The following NKAIN3 variants were observed in gnomAD, a reference collection of about 807,000 sequenced individuals.
The protein encoded by NKAIN3 is sodium/potassium transporting ATPase interacting 3.
In NKAIN3, 25 loss-of-function variants were observed where a neutral mutation model predicts 30.2. That is an observed-to-expected ratio of 0.83 (90% CI 0.60 to 1.16). NKAIN3 has a LOEUF of 1.16. Among genes scored for constraint, NKAIN3 ranks in the 50% most tolerant of loss-of-function variants. The pLI, the probability that NKAIN3 is intolerant of heterozygous loss-of-function variation, is 0.00. For missense variants in NKAIN3, 225 were observed against 254.1 expected (o/e 0.89, Z 0.78); for synonymous variants, 91 against 89.6 (o/e 1.02, Z -0.09).
chr8:62,797,524 C>G (rs921890280), intron 4 of NKAIN3, among the ~76,000 whole-genome samples: 1 of 152,286 alleles, frequency 6.6e-6, no homozygotes, highest in East Asian at 1.9e-4. Flanking sequence ...TCCTGCCAGA[C>G]AGTGACCTCC....
intron 3 of NKAIN3, among the ~76,000 whole-genome samples, chr8:62,695,978 A>G (rs1299413657): frequency 6.6e-6 from 1 of 152,206 alleles, no homozygotes; most frequent in African/African-American, 2.4e-5. Flanking sequence ...CATATTTTAT[A>G]TGTATGCACA....
At chr8:62,808,487 A>G (rs918115771) in intron 4 of NKAIN3, among the ~76,000 whole-genome samples, 3 of 152,138 alleles carry the variant, frequency 2.0e-5, no homozygotes, top group African/African-American at 7.2e-5. Flanking sequence ...CTGATATTTC[A>G]ACGTAGGTTC....
chr8:62,750,996 A>T lies in NKAIN3; in HGVS notation c.471+3867A>T, dbSNP rs184973695. Among the ~76,000 whole-genome samples, 6 of 152,198 alleles carry T rather than the reference A, an allele frequency of 3.9e-5. No individual in the cohort carries two copies. In the East Asian group the frequency reaches 9.7e-4, roughly 25 times the overall value. ...CATGCCTCCTGCTCCCTGTAAGATG[A>T]TCACAAAGCGCAAATCTTATCAGTC... is the stretch of plus-strand genomic sequence containing the variant. On this transcript the variant is annotated intron_variant, in intron 4 of 6. Coordinates refer to ENST00000623646, the MANE Select transcript of NKAIN3 (RefSeq NM_001304533.3).
chr8:62,461,434 A>G (rs1239247265), intron 1 of NKAIN3, among the ~76,000 whole-genome samples: 9 of 152,188 alleles, frequency 5.9e-5, no homozygotes, highest in Admixed American at 5.9e-4. Flanking sequence ...TCAAAGGCAC[A>G]AAAAAACAGT....
chr8:62,607,330 T>A (rs2130171438), intron 3 of NKAIN3, among the ~76,000 whole-genome samples: 1 of 152,254 alleles, frequency 6.6e-6, no homozygotes, highest in East Asian at 1.9e-4. Flanking sequence ...CTGTGGAAGA[T>A]CCCTGAATGC....
intron 3 of NKAIN3, among the ~76,000 whole-genome samples, chr8:62,738,021 G>A (rs1213985621): frequency 6.6e-6 from 1 of 151,990 alleles, no homozygotes; most frequent in Non-Finnish European, 1.5e-5. Context: ...AATCCTTTAG[G>A]TATATACCCA....
At chr8:62,304,012 C>A (rs1027794363) in intron 1 of NKAIN3, among the ~76,000 whole-genome samples, 1 of 150,550 alleles carries the variant, frequency 6.6e-6, no homozygotes, top group Non-Finnish European at 1.5e-5. Context: ...GAAAATGGAA[C>A]AAGACTTCAC....
intron 5 of NKAIN3, 109 bp downstream of exon 5, chr8:62,918,622 A>C: frequency 1.3e-6 from 1 of 782,016 alleles, no homozygotes; most frequent in Non-Finnish European, 2.1e-6. Context: ...TGGAGTCTAA[A>C]ATGATTGAAC....
chr8:62,617,439 A>G (rs1351027139), intron 3 of NKAIN3, among the ~76,000 whole-genome samples: 1 of 152,210 alleles, frequency 6.6e-6, no homozygotes. Flanking sequence ...GGACTCTGAC[A>G]CTAGGTCATA....
chr8:62,271,921 G>A (rs537989613), intron 1 of NKAIN3, among the ~76,000 whole-genome samples: 1 of 152,284 alleles, frequency 6.6e-6, no homozygotes, highest in South Asian at 2.1e-4. Flanking sequence ...GGATTGCTGG[G>A]TGGAAGCGTT....
At chr8:62,679,408 T>C (rs7007446) in intron 3 of NKAIN3, among the ~76,000 whole-genome samples, 10,620 of 152,228 alleles carry the variant, frequency 0.07, 821 homozygotes, top group African/African-American at 0.19. Context: ...AGTAAGTAGA[T>C]GGATCCTCCA....
intron 4 of NKAIN3, among the ~76,000 whole-genome samples, chr8:62,768,991 C>T (rs1816935446): frequency 1.3e-5 from 2 of 152,104 alleles, no homozygotes; most frequent in Admixed American, 6.6e-5. Flanking sequence ...TGTGGACATC[C>T]ATGATAAATT....
rs79286533 is a variant in NKAIN3, at chr8:62,586,952, A to T, written c.193-2762A>T. Among the ~76,000 whole-genome samples the T allele has an allele frequency of 5.1e-3, 774 of 152,162 alleles. 8 individuals are homozygous for T. Among genetic ancestry groups the T allele is most frequent in the African/African-American group, 0.018 (742 of 41,560 alleles). On this transcript the variant is annotated intron_variant, in intron 2 of 6. Transcript: ENST00000623646. The stretch of plus-strand genomic sequence containing the variant: ...TCTTTACTACAAGTATATTTAATAT[A>T]CCTAAATACATGATGTAAGCCTGCT...
At chr8:62,252,265 A>G (rs1812130195) in intron 1 of NKAIN3, among the ~76,000 whole-genome samples, 1 of 152,200 alleles carries the variant, frequency 6.6e-6, no homozygotes, top group South Asian at 2.1e-4. Context: ...GCTGAAGACA[A>G]TCTACATGCT....
At chr8:62,414,372 A>G (rs1449769674) in intron 1 of NKAIN3, among the ~76,000 whole-genome samples, 1 of 152,074 alleles carries the variant, frequency 6.6e-6, no homozygotes, top group Non-Finnish European at 1.5e-5. Flanking sequence ...TAAGTTTTCA[A>G]ATATTTTGCC....
chr8:62,686,477 G>A (rs554353778), intron 3 of NKAIN3, among the ~76,000 whole-genome samples: 1 of 152,254 alleles, frequency 6.6e-6, no homozygotes, highest in African/African-American at 2.4e-5. Context: ...TTAGAGAAAG[G>A]GGTAGAGAGA....
chr8:62,601,348 A>G (rs1381168358), intron 3 of NKAIN3, among the ~76,000 whole-genome samples: 2 of 152,022 alleles, frequency 1.3e-5, no homozygotes, highest in African/African-American at 4.8e-5. Context: ...GGTACAGAAT[A>G]TCTATATTCA....
At chr8:62,343,837 T>A (rs1405446438) in intron 1 of NKAIN3, among the ~76,000 whole-genome samples, 2 of 152,080 alleles carry the variant, frequency 1.3e-5, no homozygotes, top group Non-Finnish European at 2.9e-5. Context: ...CTTAGTGTTC[T>A]GTTTATAGAA....
chr8:62,731,738 G>T (rs1724352255), intron 3 of NKAIN3, among the ~76,000 whole-genome samples: 1 of 152,130 alleles, frequency 6.6e-6, no homozygotes. Flanking sequence ...CTGAGTCATG[G>T]TTTAAGATCC....
Sources: gnomAD v4.1 joint callset for allele counts (sites outside exome capture counted in the v4.1 genomes callset) on GRCh38, gnomAD v4.1.1 for gene constraint, MANE v1.5 for transcripts, NCBI Gene and HGNC (gene_info 2026-07-23, HGNC 2026-07-21) for gene names.